KIF27: variants seen among roughly 807,000 people sequenced by gnomAD.
The protein encoded by KIF27 is kinesin-like protein KIF27.
A neutral mutation model predicts 141.8 loss-of-function variants in KIF27; 84 were observed. That is an observed-to-expected ratio of 0.59 (90% CI 0.50 to 0.71). The LOEUF is 0.71. KIF27 is among the 30% of genes least tolerant of loss of function. The pLI, the probability that KIF27 is intolerant of heterozygous loss-of-function variation, is 0.00. For synonymous variants in KIF27, 471 were observed against 569.5 expected (o/e 0.83, Z 2.46); for missense variants, 1,306 against 1,628.4 (o/e 0.80, Z 3.41).
At chr9:83,876,853 A>T (rs1393881056) in intron 11 of KIF27, among the ~76,000 whole-genome samples, 3 of 152,210 alleles carry the variant, frequency 2.0e-5, no homozygotes. Flanking sequence ...AGACCAGAGG[A>T]TCACTTGAAG....
rs114784422 is a variant in KIF27, at chr9:83,857,867, C to G, written c.3150+1289G>C. On this transcript the variant is annotated intron_variant, in intron 14 of 17. Transcript: ENST00000297814. ...TATAGCTGTAATACATTATCCACAA[C>G]TTGATTTTCAATGTCCTTCAGAGTT... Among the ~76,000 whole-genome samples, 922 of 151,866 alleles carry G rather than the reference C, an allele frequency of 6.1e-3. 11 individuals are homozygous for G. Among genetic ancestry groups the G allele is most frequent in the African/African-American group, 0.021 (876 of 41,420 alleles).
At chr9:83,913,390 G>A (rs1955377832) in intron 2 of KIF27, among the ~76,000 whole-genome samples, 1 of 152,006 alleles carries the variant, frequency 6.6e-6, no homozygotes, top group Non-Finnish European at 1.5e-5. Flanking sequence ...GTGTCCTATA[G>A]AGACATTCTG....
chr9:83,875,376 T>A (rs940595458), intron 11 of KIF27, among the ~76,000 whole-genome samples: 7 of 152,096 alleles, frequency 4.6e-5, no homozygotes, highest in Admixed American at 3.9e-4. Context: ...TTTTCCCCCA[T>A]GAAGAGAGCA....
At chr9:83,885,678 C>A (rs1026982570) in intron 9 of KIF27, among the ~76,000 whole-genome samples, 2 of 152,128 alleles carry the variant, frequency 1.3e-5, no homozygotes, top group African/African-American at 4.8e-5. Context: ...GTCACCTAGG[C>A]TGGAATGCAG....
intron 16 of KIF27, 119 bp from the exon 17 acceptor site, chr9:83,842,520 T>C: frequency 7.9e-7 from 1 of 1,264,638 alleles, no homozygotes; most frequent in Non-Finnish European, 1.0e-6. Flanking sequence ...TAGAGTGCAG[T>C]GGCGTGATAT....
intron 11 of KIF27, among the ~76,000 whole-genome samples, chr9:83,878,161 C>CAAAAAAAAAAAAA (rs58897060): frequency 2.6e-5 from 1 of 38,456 alleles, no homozygotes; most frequent in Non-Finnish European, 5.1e-5. Context: ...GACTCTGTCT[C>CAAAAAAAAAAAAA]AAAAAAAAAA....
intron 3 of KIF27, among the ~76,000 whole-genome samples, chr9:83,906,961 C>T (rs1316169875): frequency 6.6e-6 from 1 of 151,502 alleles, no homozygotes; most frequent in Admixed American, 6.6e-5. Flanking sequence ...ATCTAAAATG[C>T]AAAACTGTGC....
At position 83,918,248 on chromosome 9, in the gene KIF27, G is replaced by A. The variant is rs181365804; in HGVS notation, c.-87-2570C>T. Among the ~76,000 whole-genome samples, 18 of 146,284 alleles carry A rather than the reference G, an allele frequency of 1.2e-4. No individual in the cohort carries two copies. In the Admixed American group the frequency reaches 1.3e-3, roughly 10 times the overall value. ...TGTATCTGCACCACTGCACTATAAC[G>A]TGGACAACACTATAATGTGGACAGC... On this transcript the variant is annotated intron_variant, in intron 1 of 17. Coordinates refer to ENST00000297814, the MANE Select transcript of KIF27 (RefSeq NM_017576.4).
Position 83,858,862 on chromosome 9 carries a change from A to G in KIF27, c.3150+294T>C. The G allele has an allele frequency of 1.0e-5, 4 of 384,594 alleles. No homozygotes were observed. The South Asian group carries it at 1.3e-4, about 13-fold the overall frequency. 23.8% of individuals were successfully genotyped at this position (384,594 alleles called of 1,614,324 possible). A position where few individuals can be genotyped will look rare whatever the true frequency, so the allele number is the denominator to read the frequency against. On this transcript the variant is annotated intron_variant, in intron 14 of 17. Transcript: ENST00000297814. ...ATCATTTTCTATGTTCTGTGATTTCAGACGAGAAACCCCAGCTGAGGAGGC... is the reference window on the plus strand; with the variant it reads ...ATCATTTTCTATGTTCTGTGATTTCGGACGAGAAACCCCAGCTGAGGAGGC...
At chr9:83,883,384 T>C (rs1951831768) in intron 10 of KIF27, among the ~76,000 whole-genome samples, 1 of 152,226 alleles carries the variant, frequency 6.6e-6, no homozygotes, top group African/African-American at 2.4e-5. Flanking sequence ...TAAGGATGAG[T>C]TGCAGTACAC....
In KIF27 at chr9:83,856,547, C is replaced by T. The variant is rs148109353; in HGVS notation, c.3150+2609G>A. On this transcript the variant is annotated intron_variant, in intron 14 of 17. Transcript: ENST00000297814. ...CATGAGGTCAGGAGATCGAGACCATCTTGGCCAACATGGTGAAACCCCATC... is the reference window on the plus strand; with the variant it reads ...CATGAGGTCAGGAGATCGAGACCATTTTGGCCAACATGGTGAAACCCCATC... 1.7e-3 allele frequency among the ~76,000 whole-genome samples: 260 copies of T among 152,070 alleles called. 1 individual carries two copies. The highest frequency in any genetic ancestry group is 5.8e-3 in the African/African-American group (242 of 41,490).
At chr9:83,875,062 G>A (rs1005215656) in intron 11 of KIF27, among the ~76,000 whole-genome samples, 14 of 151,850 alleles carry the variant, frequency 9.2e-5, no homozygotes, top group African/African-American at 3.1e-4. Context: ...CATGGATTTA[G>A]AGAGTGCTAT....
intron 13 of KIF27, among the ~76,000 whole-genome samples, chr9:83,862,489 G>A (rs1950020774): frequency 6.6e-6 from 1 of 152,236 alleles, no homozygotes; most frequent in Non-Finnish European, 1.5e-5. Flanking sequence ...AGTTGTAGAT[G>A]TGTGGTATTA....
intron 11 of KIF27, among the ~76,000 whole-genome samples, chr9:83,879,304 T>C (rs1022538891): frequency 1.5e-4 from 23 of 151,986 alleles, no homozygotes; most frequent in Non-Finnish European, 2.8e-4. Context: ...TTCCCTTCCA[T>C]TGCTGAATTC....
intron 1 of KIF27, among the ~76,000 whole-genome samples, chr9:83,917,876 G>T (rs765650378): frequency 2.0e-5 from 3 of 152,010 alleles, no homozygotes; most frequent in Non-Finnish European, 4.4e-5. Context: ...TTATGACCTT[G>T]GATTTGGCAA....
At chr9:83,859,571 C>T (rs1167457404) in intron 13 of KIF27, 200 bp from the exon 14 acceptor site, 8 of 535,186 alleles carry the variant, frequency 1.5e-5, no homozygotes, top group Non-Finnish European at 2.3e-5. Context: ...TGCTCTTGTT[C>T]CCCAGGCTAG....
rs142612127 is a variant in KIF27, at chr9:83,845,901, T to C, written c.3557-3500A>G. 4.7e-3 allele frequency among the ~76,000 whole-genome samples: 721 copies of C among 152,304 alleles called. 16 individuals carry two copies. In the East Asian group the frequency reaches 0.069, roughly 15 times the overall value. On this transcript the variant is annotated intron_variant, in intron 16 of 17. Transcript: ENST00000297814. ...ACTGTGAAGATATTTGTATCCCAAG[T>C]GAGTGCTCACCAACGGATGACCTCA...
At chr9:83,921,046 C>G (rs1183458843) in intron 1 of KIF27, among the ~76,000 whole-genome samples, 3 of 152,176 alleles carry the variant, frequency 2.0e-5, no homozygotes, top group Non-Finnish European at 4.4e-5. Flanking sequence ...CCGGGTCCCG[C>G]GTTCCGGTCG....
intron 1 of KIF27, among the ~76,000 whole-genome samples, chr9:83,920,766 T>C (rs759768609): frequency 9.2e-5 from 14 of 152,278 alleles, no homozygotes; most frequent in Non-Finnish European, 1.0e-4. Context: ...TTGCTCTTTA[T>C]AGTCACCTGC....
Sources: allele counts gnomAD v4.1 joint callset (sites outside exome capture counted in the v4.1 genomes callset), GRCh38; gene constraint gnomAD v4.1.1; transcripts MANE v1.5; gene names NCBI Gene and HGNC (gene_info 2026-07-23, HGNC 2026-07-21).